The following KPNA7 variants were observed in gnomAD, a reference collection of about 807,000 sequenced individuals.
KPNA7 encodes the protein karyopherin subunit alpha 7, also known as importin subunit alpha-8.
Under a neutral mutation model 53.7 loss-of-function variants are expected in KPNA7, and 54 were observed. The ratio of observed to expected loss-of-function variants is 1.01; its 90% CI spans 0.81 to 1.26. The LOEUF (loss-of-function observed/expected upper bound fraction) is 1.26, where lower values mean the gene tolerates loss of function less well. KPNA7 is among the 50% of genes most tolerant of loss of function. The pLI is 0.00. For missense variants in KPNA7, 640 were observed against 644.5 expected (o/e 0.99, Z 0.07); for synonymous variants, 276 against 259.3 (o/e 1.06, Z -0.62).
upstream of KPNA7, among the ~76,000 whole-genome samples, chr7:99,212,233 C>CTTTTT (rs34555248): frequency 1.1e-4 from 5 of 47,216 alleles, no homozygotes; most frequent in African/African-American, 3.9e-4. Context: ...CACATGTGTC[C>CTTTTT]TTTTTTTTTT....
chr7:99,200,227 G>A (rs533188201), intron 3 of KPNA7, among the ~76,000 whole-genome samples: 9 of 151,814 alleles, frequency 5.9e-5, no homozygotes, highest in South Asian at 4.2e-4. Flanking sequence ...TCGTAGAGAC[G>A]CGGTTTCACC....
chr7:99,188,235 C>T, intron 7 of KPNA7, 65 bp downstream of exon 7: 1 of 1,486,014 alleles, frequency 6.7e-7, no homozygotes, highest in Non-Finnish European at 9.1e-7. Flanking sequence ...AAACCTTGCC[C>T]CAGAACCTGC....
upstream of KPNA7, among the ~76,000 whole-genome samples, chr7:99,210,491 T>C (rs957518038): frequency 1.4e-4 from 22 of 152,166 alleles, no homozygotes; most frequent in Non-Finnish European, 8.8e-5. Flanking sequence ...GAGGGTACTG[T>C]GTGATACGAG....
chr7:99,149,380 C>T, the KPNA7 span, among the ~76,000 whole-genome samples: 4 of 152,170 alleles, frequency 2.6e-5, no homozygotes, highest in South Asian at 4.1e-4. Context: ...TATCACCAGC[C>T]GGTGCTGAAG....
downstream of KPNA7, among the ~76,000 whole-genome samples, chr7:99,172,086 AAT>A (rs1158251176): frequency 6.6e-6 from 1 of 152,236 alleles, no homozygotes; most frequent in African/African-American, 2.4e-5. Context: ...CACACTTCTG[AAT>A]ATAATTTACA....
chr7:99,175,872 T>G (rs890235448), intron 10 of KPNA7, among the ~76,000 whole-genome samples: 1 of 152,062 alleles, frequency 6.6e-6, no homozygotes, highest in African/African-American at 2.4e-5. Flanking sequence ...ACCATCCACC[T>G]GGTCATATTG....
At chr7:99,214,054 CAG>C (rs1791142412) in intron 1 of KPNA7, among the ~76,000 whole-genome samples, 1 of 152,126 alleles carries the variant, frequency 6.6e-6, no homozygotes, top group South Asian at 2.1e-4. Flanking sequence ...TGTGAAGTAT[CAG>C]AACCAGGACA....
At chr7:99,169,697 A>G (rs184445806), downstream of KPNA7, among the ~76,000 whole-genome samples, 55 of 151,934 alleles carry the variant, frequency 3.6e-4, no homozygotes, top group East Asian at 6.3e-3. Context: ...TCACAAATGA[A>G]TGGTTGAAGG....
intron 3 of KPNA7, among the ~76,000 whole-genome samples, chr7:99,197,199 C>T (rs1790272265): frequency 6.6e-6 from 1 of 152,162 alleles, no homozygotes; most frequent in South Asian, 2.1e-4. Flanking sequence ...ATTGAGTGTT[C>T]TTTTCTTCGT....
intron 1 of KPNA7, among the ~76,000 whole-genome samples, chr7:99,215,197 C>T (rs1186471335): frequency 1.3e-5 from 2 of 151,624 alleles, no homozygotes; most frequent in Non-Finnish European, 2.9e-5. Context: ...CATGGTGAAA[C>T]CCCGTCTCTA....
At chr7:99,161,222 A>ACTCACT in the KPNA7 span, among the ~76,000 whole-genome samples, 3 of 147,744 alleles carry the variant, frequency 2.0e-5, no homozygotes, top group African/African-American at 7.7e-5. Flanking sequence ...ATGTACACAA[A>ACTCACT]CTCTCTCTCT....
At chr7:99,146,720 A>T in the KPNA7 span, among the ~76,000 whole-genome samples, 2 of 5,680 alleles carry the variant, frequency 3.5e-4, no homozygotes, top group African/African-American at 6.3e-4. Context: ...TTAAAAAAAA[A>T]AAAAAAAAAA....
the KPNA7 span, among the ~76,000 whole-genome samples, chr7:99,167,613 CTTTTTTTTTTTTTTTTTTTT>C: frequency 1.0e-4 from 7 of 67,040 alleles, no homozygotes; most frequent in South Asian, 2.4e-3. Flanking sequence ...TCACACCCAA[CTTTTTTTTTTTTTTTTTTTT>C]TTTTTTTTTT....
intron 2 of KPNA7, 139 bp downstream of exon 2, chr7:99,207,262 T>C: frequency 1.4e-6 from 1 of 703,542 alleles, no homozygotes; most frequent in Non-Finnish European, 2.5e-6. Context: ...CTTAACCTCC[T>C]GACCTTGTGA....
rs1303123193 is a variant in KPNA7 at position 99,188,334 on chromosome 7, A to G, written c.866T>C (p.Val289Ala). 26 of 1,551,562 alleles carry G rather than the reference A, an allele frequency of 1.7e-5. No individual in the cohort carries two copies. The highest frequency in any genetic ancestry group is 2.2e-5 in the Non-Finnish European group (25 of 1,146,964). ...GAGTTCTGAGCTGGTCATGAGCACTACCAGCCTGGGCAGGACCCCCGTGTT... is the reference window on the plus strand; with the variant it reads ...GAGTTCTGAGCTGGTCATGAGCACTGCCAGCCTGGGCAGGACCCCCGTGTT... ...VVNTGVLPRL[V>A]VLMTSSELNV... Residue 289 changes from valine (V) to alanine (A), a missense_variant, in exon 7 of 11, where the codon GTA becomes GCA. Coordinates refer to ENST00000327442, the MANE Select transcript of KPNA7 (RefSeq NM_001145715.3).
chr7:99,213,959 G>A (rs1446911761), intron 1 of KPNA7, among the ~76,000 whole-genome samples: 1 of 152,096 alleles, frequency 6.6e-6, no homozygotes, highest in East Asian at 1.9e-4. Context: ...ATTAAATGAA[G>A]TTTCATCTAA....
chr7:99,146,927 T>C, the KPNA7 span, among the ~76,000 whole-genome samples: 1 of 152,042 alleles, frequency 6.6e-6, no homozygotes, highest in Non-Finnish European at 1.5e-5. Context: ...AAATTTGAAG[T>C]GTGGTTTCTA....
At chr7:99,200,221 A>G (rs1414783396) in intron 3 of KPNA7, among the ~76,000 whole-genome samples, 1 of 152,024 alleles carries the variant, frequency 6.6e-6, no homozygotes, top group Admixed American at 6.6e-5. Context: ...TATTTTTCGT[A>G]GAGACGCGGT....
chr7:99,149,566 A>G, the KPNA7 span, among the ~76,000 whole-genome samples: 1 of 152,184 alleles, frequency 6.6e-6, no homozygotes, highest in Non-Finnish European at 1.5e-5. Context: ...CTTGGCTCCA[A>G]AAGCTCCTAG....
Sources: allele counts gnomAD v4.1 joint callset (sites outside exome capture counted in the v4.1 genomes callset), GRCh38; gene constraint gnomAD v4.1.1; transcripts MANE v1.5; gene names NCBI Gene and HGNC (gene_info 2026-07-23, HGNC 2026-07-21).